The following WWOX variants were observed in gnomAD, a reference collection of about 807,000 sequenced individuals.
WWOX encodes the protein WW domain-containing oxidoreductase.
A neutral mutation model predicts 46.2 loss-of-function variants in WWOX; 69 were observed. The ratio of observed to expected loss-of-function variants is 1.49; its 90% confidence interval spans 1.23 to 1.82. The LOEUF is 1.82. Ranked by LOEUF, WWOX falls within the 40% of genes most tolerant of loss-of-function variation. WWOX has a pLI of 0.00. For synonymous variants in WWOX, 359 were observed against 202.6 expected, an observed-to-expected ratio of 1.77 and a Z score of -6.56; for missense variants, 919 against 542.6, an observed-to-expected ratio of 1.69 and a Z score of -6.89.
chr16:79,108,841 C>T (rs2049360354), intron 8 of WWOX, among the ~76,000 whole-genome samples: 1 of 151,734 alleles, frequency 6.6e-6, no homozygotes, highest in South Asian at 2.1e-4. Flanking sequence ...GTCGAGACTG[C>T]AGTGAGCCAT....
chr16:79,194,612 AC>A (rs1355006278), intron 8 of WWOX, among the ~76,000 whole-genome samples: 2 of 151,306 alleles, frequency 1.3e-5, no homozygotes, highest in Admixed American at 1.3e-4. Flanking sequence ...ATCCTTCTCC[AC>A]CCCCGTTCAG....
intron 4 of WWOX, chr16:78,123,490 C>T (rs2033222404): frequency 2.4e-5 from 2 of 83,036 alleles, no homozygotes; most frequent in Non-Finnish European, 4.7e-5. Context: ...TGAAGTCTTC[C>T]TCTGTTGCCC....
intron 8 of WWOX, among the ~76,000 whole-genome samples, chr16:78,709,734 A>ATT (rs11371557): frequency 0.021 from 3,083 of 143,942 alleles, 52 homozygotes; most frequent in Non-Finnish European, 0.029. Context: ...AACAGTAAGC[A>ATT]TTTTTTTTTT....
intron 8 of WWOX, among the ~76,000 whole-genome samples, chr16:79,132,817 C>A (rs2049907910): frequency 6.6e-6 from 1 of 152,132 alleles, no homozygotes; most frequent in South Asian, 2.1e-4. Context: ...AGAGAGTGTC[C>A]CAATTATTTA....
At chr16:78,815,826 A>T (rs554413139) in intron 8 of WWOX, among the ~76,000 whole-genome samples, 1 of 152,170 alleles carries the variant, frequency 6.6e-6, no homozygotes, top group Non-Finnish European at 1.5e-5. Flanking sequence ...TTGGCTGCCT[A>T]TGAGTCCATG....
chr16:78,581,994 A>G (rs1320784003), intron 8 of WWOX, among the ~76,000 whole-genome samples: 3 of 152,216 alleles, frequency 2.0e-5, no homozygotes, highest in African/African-American at 7.2e-5. Flanking sequence ...TGGGGCATCA[A>G]AACATTGTTT....
At chr16:78,649,994 A>AT (rs1256753994) in intron 8 of WWOX, among the ~76,000 whole-genome samples, 1 of 151,916 alleles carries the variant, frequency 6.6e-6, no homozygotes, top group Non-Finnish European at 1.5e-5. Context: ...TCCATTGTAT[A>AT]TTTTTTTCTT....
At chr16:78,669,240 C>T (rs1324355582) in intron 8 of WWOX, among the ~76,000 whole-genome samples, 2 of 152,230 alleles carry the variant, frequency 1.3e-5, no homozygotes, top group Non-Finnish European at 2.9e-5. Flanking sequence ...GGATATGGCC[C>T]TTCCCTCACA....
intron 8 of WWOX, among the ~76,000 whole-genome samples, chr16:78,560,363 C>T (rs1174936992): frequency 6.6e-6 from 1 of 152,124 alleles, no homozygotes; most frequent in Non-Finnish European, 1.5e-5. Flanking sequence ...ACATTAGTGG[C>T]CAGGTGCGGT....
intron 8 of WWOX, among the ~76,000 whole-genome samples, chr16:78,457,975 G>T (rs901716436): frequency 6.6e-6 from 1 of 150,474 alleles, no homozygotes; most frequent in African/African-American, 2.5e-5. Flanking sequence ...CTATCCAGAG[G>T]CTGAGGCACC....
chr16:78,996,106 C>T (rs1454572195), intron 8 of WWOX: 4 of 678,406 alleles, frequency 5.9e-6, no homozygotes, highest in East Asian at 2.7e-4. Context: ...AGAACGTGGC[C>T]CCTTCCATGA....
chr16:79,087,642 GC>G (rs2048877793), intron 8 of WWOX, among the ~76,000 whole-genome samples: 2 of 152,324 alleles, frequency 1.3e-5, no homozygotes, highest in Admixed American at 1.3e-4. Flanking sequence ...CCTGCCGATG[GC>G]TGTTGGCCCA....
At chr16:78,783,958 G>C (rs868624082) in intron 8 of WWOX, among the ~76,000 whole-genome samples, 1 of 151,994 alleles carries the variant, frequency 6.6e-6, no homozygotes, top group Non-Finnish European at 1.5e-5. Context: ...TGGTGATGGT[G>C]ATGCTGGTGA....
At chr16:78,505,003 C>T (rs1007299744) in intron 8 of WWOX, among the ~76,000 whole-genome samples, 1 of 152,120 alleles carries the variant, frequency 6.6e-6, no homozygotes, top group African/African-American at 2.4e-5. Context: ...TGCCTTTGTG[C>T]ACGAAAGGAG....
At chr16:78,488,959 C>T (rs192203379) in intron 8 of WWOX, among the ~76,000 whole-genome samples, 49 of 152,288 alleles carry the variant, frequency 3.2e-4, no homozygotes, top group African/African-American at 1.1e-3. Context: ...ACTAGGCTGC[C>T]TTGTTGCCTC....
At chr16:78,471,828 T>A (rs1191510096) in intron 8 of WWOX, among the ~76,000 whole-genome samples, 1 of 152,220 alleles carries the variant, frequency 6.6e-6, no homozygotes, top group Non-Finnish European at 1.5e-5. Flanking sequence ...TGAAGTAGAT[T>A]TATGTACACA....
intron 8 of WWOX, among the ~76,000 whole-genome samples, chr16:78,816,820 A>G (rs1228784130): frequency 6.6e-6 from 1 of 152,132 alleles, no homozygotes; most frequent in Non-Finnish European, 1.5e-5. Flanking sequence ...AAAGTTATGC[A>G]ATGCCAAGTA....
intron 8 of WWOX, among the ~76,000 whole-genome samples, chr16:78,925,519 T>C (rs1392288014): frequency 6.6e-6 from 1 of 152,202 alleles, no homozygotes; most frequent in African/African-American, 2.4e-5. Context: ...GGAACTCGCT[T>C]ATGTGTGTTG....
chr16:78,841,632 G>T (rs1199543346), intron 8 of WWOX, among the ~76,000 whole-genome samples: 1 of 152,116 alleles, frequency 6.6e-6, no homozygotes, highest in Non-Finnish European at 1.5e-5. Flanking sequence ...CAAAACTCTG[G>T]CGAATTTTTT....
Sources: allele counts gnomAD v4.1 joint callset (sites outside exome capture counted in the v4.1 genomes callset), GRCh38; gene constraint gnomAD v4.1.1; transcripts MANE v1.5; gene names NCBI Gene and HGNC (gene_info 2026-07-23, HGNC 2026-07-21).